Variants in SHANK2 observed in about 807,000 individuals in gnomAD.
The protein encoded by SHANK2 is SH3 and multiple ankyrin repeat domains 2.
SHANK2 carries 43 observed loss-of-function variants against 133.7 expected under a neutral mutation model. The observed-to-expected ratio is 0.32, with a 90% CI of 0.25 to 0.41. The LOEUF is 0.41. Ranked by LOEUF, SHANK2 falls within the 10% of genes least tolerant of loss-of-function variation. The pLI is 1.00. For missense variants in SHANK2, 1,994 were observed against 2,235.8 expected, an observed-to-expected ratio of 0.89 and a Z score of 2.18; for synonymous variants, 1,017 against 952.8, an observed-to-expected ratio of 1.07 and a Z score of -1.24.
rs115649823 is a variant in SHANK2 at position 70,506,751 on chromosome 11, G to A, written c.2062-3820C>T. On this transcript the variant is annotated intron_variant, in intron 17 of 25. Transcript: ENST00000601538. ...GTGGGCCTGCACCCCTCCAGAATCAGCATATTATTGGGTCCGGAGCCTGTG... is the reference window on the plus strand; with the variant it reads ...GTGGGCCTGCACCCCTCCAGAATCAACATATTATTGGGTCCGGAGCCTGTG... 8.6e-3 allele frequency among the ~76,000 whole-genome samples: 1,309 copies of A among 152,288 alleles called. 11 individuals are homozygous for A. Among genetic ancestry groups the A allele is most frequent in the African/African-American group, 0.03 (1,236 of 41,570 alleles).
chr11:70,667,918 T>G (rs1310948887), intron 15 of SHANK2: 2 of 152,242 alleles, frequency 1.3e-5, no homozygotes, highest in African/African-American at 4.8e-5. Flanking sequence ...GGTGACAGCT[T>G]TAGTTCTTCC....
In SHANK2 at chr11:71,094,526, C is replaced by T. The variant is rs1418445369; in HGVS notation, c.744+11G>A. ...CGGGGTGGCACCCAAGTAAGATGGG[C>T]CCGAGTTTACCTTCAGGGCAACTTG... On this transcript the variant is annotated intron_variant, in intron 7 of 25. Transcript: ENST00000601538. 18 of 1,546,992 alleles carry T rather than the reference C, an allele frequency of 1.2e-5. No individual in the cohort carries two copies. The highest frequency in any genetic ancestry group is 1.7e-4 in the Middle Eastern group (1 of 5,976).
At chr11:70,871,107 C>T (rs1555070109) in intron 11 of SHANK2, among the ~76,000 whole-genome samples, 2 of 152,180 alleles carry the variant, frequency 1.3e-5, no homozygotes, top group African/African-American at 2.4e-5. Flanking sequence ...GAATATCAGT[C>T]CTACTGGATT....
chr11:71,101,320 C>T (rs953445885), intron 6 of SHANK2, among the ~76,000 whole-genome samples: 1 of 152,196 alleles, frequency 6.6e-6, no homozygotes, highest in African/African-American at 2.4e-5. Flanking sequence ...CGGCACCTCG[C>T]TCCATCTAAG....
intron 1 of SHANK2, among the ~76,000 whole-genome samples, chr11:71,237,587 G>A (rs1954840073): frequency 6.6e-6 from 1 of 152,210 alleles, no homozygotes; most frequent in South Asian, 2.1e-4. Flanking sequence ...ACAAAGCCGA[G>A]GGCTGCAGCG....
intron 3 of SHANK2, among the ~76,000 whole-genome samples, chr11:71,135,506 G>C: frequency 7.9e-6 from 1 of 125,936 alleles, no homozygotes; most frequent in East Asian, 2.4e-4. Flanking sequence ...TTTTTTTTGA[G>C]ATGGAGTCTC....
chr11:70,927,683 G>A (rs529988650), intron 10 of SHANK2, among the ~76,000 whole-genome samples: 1 of 152,258 alleles, frequency 6.6e-6, no homozygotes, highest in South Asian at 2.1e-4. Flanking sequence ...CACCTTGACT[G>A]AGTTCCAGGG....
chr11:71,094,876 G>A (rs782077698), intron 6 of SHANK2, among the ~76,000 whole-genome samples, 188 bp from the exon 7 acceptor site: 6 of 152,352 alleles, frequency 3.9e-5, no homozygotes, highest in South Asian at 2.1e-4. Context: ...ACCCCCGTGC[G>A]ATGCAGTGAC....
intron 17 of SHANK2, among the ~76,000 whole-genome samples, chr11:70,546,181 C>T (rs1276106145): frequency 1.3e-5 from 2 of 149,252 alleles, no homozygotes; most frequent in Non-Finnish European, 1.5e-5. Context: ...TCAAGGAATC[C>T]GCCCGCCTCG....
chr11:71,241,521 T>C (rs781983662), intron 1 of SHANK2, among the ~76,000 whole-genome samples: 1 of 152,192 alleles, frequency 6.6e-6, no homozygotes, highest in Admixed American at 6.5e-5. Flanking sequence ...TTTAAGATCA[T>C]GAGGCAACCG....
At chr11:70,659,536 T>C (rs1432676192) in intron 17 of SHANK2, among the ~76,000 whole-genome samples, 5 of 152,112 alleles carry the variant, frequency 3.3e-5, no homozygotes, top group Non-Finnish European at 5.9e-5. Flanking sequence ...GTCCCCAACA[T>C]CATGGTGACC....
chr11:70,918,204 G>T (rs1158173114), intron 10 of SHANK2, among the ~76,000 whole-genome samples: 3 of 152,162 alleles, frequency 2.0e-5, no homozygotes, highest in Non-Finnish European at 4.4e-5. Flanking sequence ...CCCAAAGGCA[G>T]AACGCTTGCA....
rs141133018 is a variant in SHANK2, at chr11:70,689,455, A to G, written c.1853+9233T>C. ...GAGGGGTCTCCAGAGCAATGAGCTC[A>G]ATGTGCAAAGGAAGCGCACACTCAC... On this transcript the variant is annotated intron_variant, in intron 15 of 25. Coordinates refer to ENST00000601538, the MANE Select transcript of SHANK2 (RefSeq NM_012309.5). 5.8e-3 allele frequency among the ~76,000 whole-genome samples: 880 copies of G among 152,328 alleles called. 8 individuals are homozygous for G. The highest frequency in any genetic ancestry group is 0.02 in the African/African-American group (838 of 41,570).
At chr11:70,953,403 G>A (rs1014750350) in intron 10 of SHANK2, among the ~76,000 whole-genome samples, 1 of 152,038 alleles carries the variant, frequency 6.6e-6, no homozygotes, top group Non-Finnish European at 1.5e-5. Flanking sequence ...AGAGGAGCAG[G>A]TAGTGGCCCA....
At chr11:71,154,372 G>A (rs1283922312) in intron 2 of SHANK2, among the ~76,000 whole-genome samples, 2 of 152,232 alleles carry the variant, frequency 1.3e-5, no homozygotes, top group African/African-American at 2.4e-5. Flanking sequence ...GAGCAAGTGC[G>A]AGGGTGTGGG....
intron 15 of SHANK2, among the ~76,000 whole-genome samples, chr11:70,693,844 G>A (rs1945337987): frequency 6.6e-6 from 1 of 152,144 alleles, no homozygotes. Flanking sequence ...ACATATGGAT[G>A]GAAGGATTCA....
intron 17 of SHANK2, among the ~76,000 whole-genome samples, chr11:70,547,319 G>T (rs1554976592): frequency 6.6e-6 from 1 of 152,142 alleles, no homozygotes; most frequent in Non-Finnish European, 1.5e-5. Flanking sequence ...GGAGTGCAGT[G>T]GTACAATATC....
At chr11:70,668,727 G>A (rs993828528) in intron 15 of SHANK2, 3 of 152,488 alleles carry the variant, frequency 2.0e-5, no homozygotes, top group African/African-American at 7.2e-5. Context: ...AGTATACATA[G>A]GAGAATGGGT....
chr11:71,124,194 G>C (rs797039796), intron 3 of SHANK2, among the ~76,000 whole-genome samples: 7 of 81,250 alleles, frequency 8.6e-5, no homozygotes, highest in Non-Finnish European at 9.1e-5. Flanking sequence ...GATGGTGATG[G>C]TGATGATGGT....
Sources: allele counts gnomAD v4.1 joint callset (sites outside exome capture counted in the v4.1 genomes callset), GRCh38; gene constraint gnomAD v4.1.1; transcripts MANE v1.5; gene names NCBI Gene and HGNC (gene_info 2026-07-23, HGNC 2026-07-21).